The following TXNL1 variants were observed in gnomAD, a reference collection of about 807,000 sequenced individuals.
TXNL1 encodes thioredoxin like 1, also known as thioredoxin-like protein 1.
TXNL1 carries 14 observed loss-of-function variants against 35.5 expected under a neutral mutation model. The ratio of observed to expected loss-of-function variants is 0.39; its 90% CI spans 0.26 to 0.62. TXNL1 has a LOEUF of 0.62. TXNL1 is among the 20% of genes least tolerant of loss of function. The probability of loss-of-function intolerance (pLI) is 0.47; values close to 1 mark genes in which losing one functional copy is unlikely to be tolerated. For synonymous variants in TXNL1, 110 were observed against 115.5 expected (o/e 0.95, Z 0.31); for missense variants, 263 against 349.7 (o/e 0.75, Z 1.98).
In TXNL1 at chr18:56,603,762, A is replaced by T. The variant is rs545093812; in HGVS notation, c.841-706T>A. Among the ~76,000 whole-genome samples, 4 of 152,296 alleles carry T rather than the reference A, an allele frequency of 2.6e-5. No homozygotes were observed. In the East Asian group the frequency reaches 7.7e-4, roughly 29 times the overall value. On this transcript the variant is annotated intron_variant, in intron 7 of 7. Transcript: ENST00000217515. ...AAATTCTCTGCAGGAGAGTTTGAAA[A>T]CTATGTTCTAATTGAGAAATGTACT...
At chr18:56,632,955 C>T (rs537181338) in intron 1 of TXNL1, among the ~76,000 whole-genome samples, 29 of 152,190 alleles carry the variant, frequency 1.9e-4, no homozygotes, top group South Asian at 1.5e-3. Context: ...AGTAATTTTG[C>T]GGTATGTAAT....
At chr18:56,630,609 T>C (rs374496930) in intron 1 of TXNL1, among the ~76,000 whole-genome samples, 8 of 152,206 alleles carry the variant, frequency 5.3e-5, no homozygotes, top group African/African-American at 1.2e-4. Flanking sequence ...CCATATCACA[T>C]TGACATCTCT....
intron 6 of TXNL1, among the ~76,000 whole-genome samples, chr18:56,612,593 T>C (rs1206420263): frequency 6.6e-6 from 1 of 152,110 alleles, no homozygotes; most frequent in Non-Finnish European, 1.5e-5. Context: ...AGGCTGGTCC[T>C]GAACTCTTTA....
chr18:56,627,550 G>A (rs985474506), intron 1 of TXNL1, among the ~76,000 whole-genome samples: 6 of 152,142 alleles, frequency 3.9e-5, no homozygotes, highest in Non-Finnish European at 7.4e-5. Flanking sequence ...GATCAAATCA[G>A]TTTTCCTTTG....
chr18:56,618,579 T>C (rs182585357), intron 3 of TXNL1, among the ~76,000 whole-genome samples: 12 of 151,952 alleles, frequency 7.9e-5, no homozygotes, highest in Admixed American at 5.9e-4. Context: ...TATAATAATA[T>C]AGTAAATCCC....
intron 7 of TXNL1, among the ~76,000 whole-genome samples, chr18:56,607,662 C>T (rs1409690961): frequency 3.3e-5 from 5 of 152,074 alleles, no homozygotes; most frequent in Non-Finnish European, 4.4e-5. Flanking sequence ...TTGAGACCAG[C>T]CTGGCCAACA....
intron 3 of TXNL1, among the ~76,000 whole-genome samples, chr18:56,622,010 CAAA>C (rs373833617): frequency 8.6e-4 from 63 of 73,156 alleles, no homozygotes; most frequent in Middle Eastern, 7.5e-3. Context: ...AACTCCATCT[CAAA>C]AAAAAAAAAA....
chr18:56,607,161 T>TTGTGTGTG (rs112495608), intron 7 of TXNL1, among the ~76,000 whole-genome samples: 16,359 of 137,404 alleles, frequency 0.12, 1,172 homozygotes, highest in East Asian at 0.23. Flanking sequence ...CTGGGTAATT[T>TTGTGTGTG]TGTGTGTGTG....
chr18:56,599,582 A>G lies in TXNL1; in HGVS notation c.*3445T>C, dbSNP rs920719571. On this transcript the variant is annotated 3_prime_UTR_variant, in exon 8 of 8. Transcript: ENST00000217515. Reference sequence around the variant, plus strand: ...ATGGATTTTTTTTTTTTTTCTTTTGAGACAGTCTCACTCTGTTGCCCGGGC... The same window carrying G: ...ATGGATTTTTTTTTTTTTTCTTTTGGGACAGTCTCACTCTGTTGCCCGGGC... 1 of 147,350 alleles carries G rather than the reference A, an allele frequency of 6.8e-6. No homozygotes were observed. Among genetic ancestry groups the G allele is most frequent in the Non-Finnish European group, 1.5e-5 (1 of 67,170 alleles). The allele number at this position is 147,350 out of a possible 1,614,324, so 9.1% of individuals were successfully genotyped here.
chr18:56,616,821 T>C (rs989397751), intron 4 of TXNL1, among the ~76,000 whole-genome samples: 4 of 152,108 alleles, frequency 2.6e-5, no homozygotes, highest in African/African-American at 4.8e-5. Context: ...CCTCCAAACT[T>C]CCATTCTACA....
At chr18:56,624,534 T>C (rs1242136696) in intron 2 of TXNL1, 73 bp from the exon 3 acceptor site, 13 of 1,476,510 alleles carry the variant, frequency 8.8e-6, no homozygotes, top group South Asian at 1.3e-5. Context: ...TACACCTTTA[T>C]GGAAGTTAAA....
At chr18:56,630,053 GC>G (rs1286486750) in intron 1 of TXNL1, among the ~76,000 whole-genome samples, 1 of 152,120 alleles carries the variant, frequency 6.6e-6, no homozygotes, top group African/African-American at 2.4e-5. Flanking sequence ...ACAAAAATTA[GC>G]CAGGCGTGAT....
rs1169517956 is a variant in TXNL1 at position 56,638,393 on chromosome 18, C to G, written c.48G>C (p.Glu16Asp). 6.2e-7 allele frequency: 1 copy of G among 1,613,554 alleles called. No individual in the cohort carries two copies. The highest frequency in any genetic ancestry group is 8.5e-7 in the Non-Finnish European group (1 of 1,179,806). Residue 16 changes from glutamate to aspartate, a missense_variant, in exon 1 of 8, where the codon GAG becomes GAC. Coordinates refer to ENST00000217515, the MANE Select transcript of TXNL1 (RefSeq NM_004786.3). ...PVGSDPDFQP[E>D]LSGAGSRLAV... ...CGAGTCTGGAGCCCGCGCCGCTCAGCTCTGGCTGGAAATCCGGGTCGCTCC... is the reference window on the plus strand; with the variant it reads ...CGAGTCTGGAGCCCGCGCCGCTCAGGTCTGGCTGGAAATCCGGGTCGCTCC...
chr18:56,618,765 A>C (rs1022261142), intron 3 of TXNL1, among the ~76,000 whole-genome samples: 1 of 152,152 alleles, frequency 6.6e-6, no homozygotes, highest in African/African-American at 2.4e-5. Flanking sequence ...GAACTTAAAA[A>C]AAAACATTCT....
intron 6 of TXNL1, 76 bp from the exon 7 acceptor site, chr18:56,611,173 A>C (rs2023984468): frequency 3.1e-6 from 3 of 963,442 alleles, no homozygotes; most frequent in African/African-American, 1.7e-5. Flanking sequence ...AATTTCCTTA[A>C]ATTAATAACA....
At chr18:56,606,376 CAAA>C (rs202112300) in intron 7 of TXNL1, among the ~76,000 whole-genome samples, 1 of 149,380 alleles carries the variant, frequency 6.7e-6, no homozygotes. Context: ...GACTCCGTCT[CAAA>C]AAAAAAGAAA....
At chr18:56,636,669 T>C (rs1247677786) in intron 1 of TXNL1, among the ~76,000 whole-genome samples, 1 of 152,184 alleles carries the variant, frequency 6.6e-6, no homozygotes, top group African/African-American at 2.4e-5. Flanking sequence ...ACCACACTGA[T>C]AGAAAAAACC....
In TXNL1 at chr18:56,600,773, T is replaced by G. The variant is rs2023801554; in HGVS notation, c.*2254A>C. ...TGTCAAAGAGAACTCAGAAGGATTA[T>G]AAAAGCCTGTCGTGGGCACAAGAAT... On this transcript the variant is annotated 3_prime_UTR_variant, in exon 8 of 8. Coordinates refer to ENST00000217515, the MANE Select transcript of TXNL1 (RefSeq NM_004786.3). 1 of 152,260 alleles carries G rather than the reference T, an allele frequency of 6.6e-6. No homozygotes were observed. The highest frequency in any genetic ancestry group is 2.4e-5 in the African/African-American group (1 of 41,456). 9.4% of individuals were successfully genotyped at this position (152,260 alleles called of 1,614,324 possible).
intron 7 of TXNL1, among the ~76,000 whole-genome samples, chr18:56,607,220 G>C (rs1351096355): frequency 4.0e-5 from 6 of 149,280 alleles, no homozygotes; most frequent in African/African-American, 1.5e-4. Context: ...ATCTTACTAT[G>C]TTTATCAGGC....
Sources: gnomAD v4.1 joint callset for allele counts (sites outside exome capture counted in the v4.1 genomes callset) on GRCh38, gnomAD v4.1.1 for gene constraint, MANE v1.5 for transcripts, NCBI Gene and HGNC (gene_info 2026-07-23, HGNC 2026-07-21) for gene names.